The following IL1RAPL2 variants were observed in gnomAD, a reference collection of about 807,000 sequenced individuals.
IL1RAPL2 encodes X-linked interleukin-1 receptor accessory protein-like 2.
In IL1RAPL2, 3 loss-of-function variants were observed where a neutral mutation model predicts 44.1. The observed-to-expected ratio is 0.07, with a 90% CI of 0.03 to 0.18. IL1RAPL2 has a LOEUF of 0.18. Ranked by LOEUF, IL1RAPL2 falls within the 10% of genes least tolerant of loss-of-function variation. The pLI is 1.00. For synonymous variants in IL1RAPL2, 181 were observed against 178.8 expected (o/e 1.01, Z -0.10); for missense variants, 391 against 496.4 (o/e 0.79, Z 2.02).
At position 104,775,691 on chromosome X, in the gene IL1RAPL2, T is replaced by A. The variant is rs1351019080; in HGVS notation, c.82+116696T>A. On this transcript the variant is annotated intron_variant, in intron 2 of 10. Coordinates refer to ENST00000372582, the MANE Select transcript of IL1RAPL2 (RefSeq NM_017416.2). ...TTATAATGTGTTAATGGGGAAAAAA[T>A]TCAATTTACAATTAGCAAAGCACTG... Among the ~76,000 whole-genome samples the A allele has an allele frequency of 2.7e-5, 3 of 111,508 alleles. No individual in the cohort carries two copies. In the Admixed American group the frequency reaches 2.9e-4, roughly 11 times the overall value.
rs143712272 is a variant in IL1RAPL2, at chrX:104,945,474, A to G, written c.83-250001A>G. ...TCATAACTAAGAAAATGTTTAAATGATCAAATCCAGTACTTTGCCCAACAG... is the reference window on the plus strand; with the variant it reads ...TCATAACTAAGAAAATGTTTAAATGGTCAAATCCAGTACTTTGCCCAACAG... On this transcript the variant is annotated intron_variant, in intron 2 of 10. Transcript: ENST00000372582. 6.3e-3 allele frequency among the ~76,000 whole-genome samples: 697 copies of G among 111,148 alleles called. 3 individuals carry two copies. Among genetic ancestry groups the G allele is most frequent in the African/African-American group, 0.022 (664 of 30,654 alleles).
Position 104,659,748 on chromosome X carries a change from T to C in IL1RAPL2, c.82+753T>C, listed in dbSNP as rs1000781890. ...TGTGTTATTATATGGAAACAAAAGA[T>C]TGTGTTGAGACTTTCTACTGGCTTC... On this transcript the variant is annotated intron_variant, in intron 2 of 10. Transcript: ENST00000372582. Among the ~76,000 whole-genome samples the C allele has an allele frequency of 4.5e-5, 5 of 112,191 alleles. No individual in the cohort carries two copies. The East Asian group carries it at 1.1e-3, about 25-fold the overall frequency.
At chrX:105,659,023 C>A (rs780223625) in intron 6 of IL1RAPL2, among the ~76,000 whole-genome samples, 114 of 107,446 alleles carry the variant, frequency 1.1e-3, no homozygotes, top group African/African-American at 3.7e-3. Context: ...GCTATGTGGG[C>A]GGCTGAGGCA....
chrX:105,538,896 A>T (rs2036699251), intron 6 of IL1RAPL2, among the ~76,000 whole-genome samples: 1 of 111,496 alleles, frequency 9.0e-6, no homozygotes, highest in African/African-American at 3.3e-5. Context: ...CACACCAATA[A>T]TGTTGAAGTT....
chrX:104,632,433 A>G (rs1167078264), intron 1 of IL1RAPL2, among the ~76,000 whole-genome samples: 4 of 111,714 alleles, frequency 3.6e-5, no homozygotes, highest in Non-Finnish European at 5.6e-5. Context: ...TACCTTGGAC[A>G]GTGTGGCCAT....
chrX:105,284,492 T>C (rs2034556083), intron 5 of IL1RAPL2, among the ~76,000 whole-genome samples: 1 of 112,009 alleles, frequency 8.9e-6, no homozygotes, highest in South Asian at 3.7e-4. Flanking sequence ...CTAGCAACTG[T>C]CTTCAAACCC....
At chrX:105,590,148 G>C (rs2037157839) in intron 6 of IL1RAPL2, among the ~76,000 whole-genome samples, 1 of 111,453 alleles carries the variant, frequency 9.0e-6, no homozygotes, top group Non-Finnish European at 1.9e-5. Flanking sequence ...TTGTGAATGG[G>C]ATTGTGTTTT....
At chrX:105,228,068 G>T (rs782554775) in intron 3 of IL1RAPL2, among the ~76,000 whole-genome samples, 2 of 111,793 alleles carry the variant, frequency 1.8e-5, no homozygotes, top group Non-Finnish European at 3.8e-5. Context: ...TACAGTATCA[G>T]TTGCTAGTTC....
chrX:104,961,669 T>C (rs2030009589), intron 2 of IL1RAPL2, among the ~76,000 whole-genome samples: 1 of 111,876 alleles, frequency 8.9e-6, no homozygotes, highest in Admixed American at 9.5e-5. Context: ...AATATATGAT[T>C]ATATTATACA....
intron 6 of IL1RAPL2, among the ~76,000 whole-genome samples, chrX:105,698,939 T>A (rs1168676451): frequency 9.0e-6 from 1 of 111,523 alleles, no homozygotes; most frequent in Non-Finnish European, 1.9e-5. Context: ...TTCCATTCTG[T>A]TTATAGAAAA....
intron 7 of IL1RAPL2, among the ~76,000 whole-genome samples, chrX:105,722,161 T>C (rs1027123567): frequency 1.3e-4 from 15 of 112,199 alleles, no homozygotes; most frequent in Admixed American, 6.6e-4. Context: ...CAGCATATTA[T>C]TGTACTGAAT....
chrX:105,521,352 A>G (rs912554971), intron 6 of IL1RAPL2, among the ~76,000 whole-genome samples: 1 of 110,876 alleles, frequency 9.0e-6, no homozygotes, highest in African/African-American at 3.3e-5. Flanking sequence ...GAGAAAAACA[A>G]CAACAGTGAC....
At chrX:105,047,228 A>G (rs1391019865) in intron 2 of IL1RAPL2, among the ~76,000 whole-genome samples, 1 of 111,471 alleles carries the variant, frequency 9.0e-6, no homozygotes, top group Non-Finnish European at 1.9e-5. Flanking sequence ...ATGCATATCT[A>G]GTAGACACCA....
At chrX:105,505,501 C>G (rs1488222543) in intron 6 of IL1RAPL2, among the ~76,000 whole-genome samples, 1 of 110,988 alleles carries the variant, frequency 9.0e-6, no homozygotes, top group Non-Finnish European at 1.9e-5. Context: ...GGAGGAGGCA[C>G]CATGTTAAAA....
chrX:105,736,646 A>C (rs775451538), intron 7 of IL1RAPL2, among the ~76,000 whole-genome samples: 4 of 112,045 alleles, frequency 3.6e-5, no homozygotes, highest in Non-Finnish European at 7.5e-5. Flanking sequence ...GCATTAGAGA[A>C]ATGATAATCA....
chrX:104,615,932 G>A (rs1420455148), intron 1 of IL1RAPL2, among the ~76,000 whole-genome samples: 1 of 111,769 alleles, frequency 8.9e-6, no homozygotes, highest in Non-Finnish European at 1.9e-5. Context: ...GAGTGGCATG[G>A]GATGGTATCT....
At chrX:105,449,748 A>T (rs1419144053) in intron 5 of IL1RAPL2, among the ~76,000 whole-genome samples, 2 of 110,305 alleles carry the variant, frequency 1.8e-5, no homozygotes, top group Non-Finnish European at 3.8e-5. Context: ...TCCGTCAAAA[A>T]AAAAACAAAA....
At chrX:105,188,343 C>T (rs782008301) in intron 2 of IL1RAPL2, among the ~76,000 whole-genome samples, 1 of 111,133 alleles carries the variant, frequency 9.0e-6, no homozygotes, top group African/African-American at 3.3e-5. Flanking sequence ...ACTACCCTGT[C>T]TCCCACAGGC....
At chrX:104,628,770 C>A (rs187499580) in intron 1 of IL1RAPL2, among the ~76,000 whole-genome samples, 5 of 111,940 alleles carry the variant, frequency 4.5e-5, no homozygotes, top group African/African-American at 1.6e-4. Context: ...TATAAGAGTT[C>A]TGTTTTCTCT....
Sources: gnomAD v4.1 joint callset for allele counts (sites outside exome capture counted in the v4.1 genomes callset) on GRCh38, gnomAD v4.1.1 for gene constraint, MANE v1.5 for transcripts, NCBI Gene and HGNC (gene_info 2026-07-23, HGNC 2026-07-21) for gene names.